ZNF569: variants seen among roughly 807,000 people sequenced by gnomAD.
ZNF569 encodes DNA-binding protein.
Under a neutral mutation model 56.3 loss-of-function variants are expected in ZNF569, and 38 were observed. That is an observed-to-expected ratio of 0.68 (90% confidence interval 0.52 to 0.88). ZNF569 has a LOEUF of 0.88. Among genes scored for constraint, ZNF569 ranks in the 40% least tolerant of loss-of-function variants. ZNF569 has a pLI of 0.00. For synonymous variants in ZNF569, 241 were observed against 262.9 expected, an observed-to-expected ratio of 0.92 and a Z score of 0.81; for missense variants, 666 against 809.2, an observed-to-expected ratio of 0.82 and a Z score of 2.15.
chr19:37,431,504 A>C (rs866886145), intron 3 of ZNF569: 17 of 152,268 alleles, frequency 1.1e-4, no homozygotes, highest in African/African-American at 3.9e-4. Context: ...TCACCTACTG[A>C]CTAAAGAGCC....
chr19:37,440,946 T>C (rs758858426), intron 3 of ZNF569, among the ~76,000 whole-genome samples: 20 of 152,128 alleles, frequency 1.3e-4, no homozygotes, highest in Non-Finnish European at 2.4e-4. Flanking sequence ...CAAGAATATC[T>C]TGAGACCTTC....
intron 5 of ZNF569, among the ~76,000 whole-genome samples, chr19:37,420,527 A>G (rs972723437): frequency 2.0e-5 from 3 of 152,190 alleles, no homozygotes; most frequent in African/African-American, 4.8e-5. Context: ...TAAAGAAATG[A>G]CTTTCTTTGT....
At chr19:37,421,851 T>C (rs1252119994) in intron 5 of ZNF569, among the ~76,000 whole-genome samples, 1 of 142,296 alleles carries the variant, frequency 7.0e-6, no homozygotes, top group Non-Finnish European at 1.5e-5. Flanking sequence ...TTAGACTCAA[T>C]CAATCCTCTC....
upstream of ZNF569, chr19:37,467,607 G>A: frequency 1.8e-6 from 1 of 543,284 alleles, no homozygotes; most frequent in Non-Finnish European, 3.3e-6. Context: ...CTCTACCTGA[G>A]GCTAGAATAC....
chr19:37,421,878 C>G (rs769124595), intron 5 of ZNF569, among the ~76,000 whole-genome samples: 6 of 151,088 alleles, frequency 4.0e-5, no homozygotes, highest in Non-Finnish European at 8.8e-5. Flanking sequence ...GCCTCCCAAG[C>G]AGCTGGGACT....
intron 5 of ZNF569, among the ~76,000 whole-genome samples, chr19:37,421,762 T>TG (rs1270670827): frequency 2.4e-4 from 35 of 147,836 alleles, no homozygotes; most frequent in African/African-American, 8.5e-4. Context: ...TTTTTTTTTT[T>TG]TTTTTGAGAC....
intron 5 of ZNF569, among the ~76,000 whole-genome samples, chr19:37,424,730 C>T (rs969991006): frequency 3.3e-4 from 48 of 144,136 alleles, no homozygotes; most frequent in Non-Finnish European, 6.1e-4. Context: ...GCATGAGAAT[C>T]GTTTGAACCC....
At chr19:37,447,777 A>T (rs930178851) in intron 2 of ZNF569, among the ~76,000 whole-genome samples, 1 of 152,134 alleles carries the variant, frequency 6.6e-6, no homozygotes, top group African/African-American at 2.4e-5. Context: ...TTCAATTCCT[A>T]GTTTGCTGAG....
intron 3 of ZNF569, among the ~76,000 whole-genome samples, chr19:37,434,666 G>A (rs2041280647): frequency 6.6e-6 from 1 of 152,220 alleles, no homozygotes; most frequent in East Asian, 1.9e-4. Flanking sequence ...AGCAATTGAA[G>A]ATCCACAAAA....
chr19:37,423,940 A>C (rs904153695), intron 5 of ZNF569, among the ~76,000 whole-genome samples: 1 of 152,046 alleles, frequency 6.6e-6, no homozygotes, highest in Non-Finnish European at 1.5e-5. Context: ...TTGGAGGGCA[A>C]AAATGACTTT....
chr19:37,414,635 A>C (rs912732824), intron 5 of ZNF569, among the ~76,000 whole-genome samples: 1 of 152,280 alleles, frequency 6.6e-6, no homozygotes, highest in East Asian at 1.9e-4. Flanking sequence ...ATATTTATAA[A>C]TACAAATAGC....
At position 37,465,323 on chromosome 19, in the gene ZNF569, A is replaced by G. The variant is rs949149082; in HGVS notation, c.-54T>C. 6.6e-6 allele frequency: 1 copy of G among 152,190 alleles called. No individual in the cohort carries two copies. Among genetic ancestry groups the G allele is most frequent in the Non-Finnish European group, 1.5e-5 (1 of 68,044 alleles). 9.4% of individuals were successfully genotyped at this position (152,190 alleles called of 1,614,324 possible). A position where few individuals can be genotyped will look rare whatever the true frequency, so the allele number is the denominator to read the frequency against. ...ACTTAATTTACTTACCTTGTTTATT[A>G]TCCAGCCCACAAAAATGTAAGTACC... is the stretch of plus-strand genomic sequence containing the variant. On this transcript the variant is annotated 5_prime_UTR_variant, in exon 2 of 6. It removes the in-frame stop codon of an upstream open reading frame in the 5' UTR. Coordinates refer to ENST00000316950, the MANE Select transcript of ZNF569 (RefSeq NM_152484.3).
At chr19:37,468,795 C>G (rs901263826), upstream of ZNF569, among the ~76,000 whole-genome samples, 3 of 152,204 alleles carry the variant, frequency 2.0e-5, no homozygotes, top group African/African-American at 7.2e-5. Context: ...CGTGAGCCAC[C>G]GTGCCAGGCT....
intron 1 of ZNF569, among the ~76,000 whole-genome samples, chr19:37,466,068 A>AT (rs1190300040): frequency 6.6e-6 from 1 of 152,240 alleles, no homozygotes; most frequent in Non-Finnish European, 1.5e-5. Flanking sequence ...GAACATATGA[A>AT]TGTATACGTA....
chr19:37,457,256 C>G (rs1157229717), intron 2 of ZNF569, among the ~76,000 whole-genome samples: 1 of 152,126 alleles, frequency 6.6e-6, no homozygotes, highest in African/African-American at 2.4e-5. Context: ...CTAGTTGTCG[C>G]AACAATATCC....
At chr19:37,460,288 A>T (rs1286921880) in intron 2 of ZNF569, among the ~76,000 whole-genome samples, 1 of 152,102 alleles carries the variant, frequency 6.6e-6, no homozygotes, top group Non-Finnish European at 1.5e-5. Flanking sequence ...GATTACAGGC[A>T]TGCACCACTA....
intron 5 of ZNF569, among the ~76,000 whole-genome samples, chr19:37,416,222 CTG>C (rs2040928558): frequency 2.0e-5 from 3 of 149,772 alleles, no homozygotes; most frequent in South Asian, 4.2e-4. Context: ...AAGATTAAGA[CTG>C]TGTGTCAAAA....
chr19:37,438,276 C>T (rs2041346080), intron 3 of ZNF569, among the ~76,000 whole-genome samples: 1 of 152,078 alleles, frequency 6.6e-6, no homozygotes, highest in South Asian at 2.1e-4. Flanking sequence ...ACCTGTGGTA[C>T]TTGGGAAGCT....
chr19:37,441,248 A>T (rs2041400141), intron 3 of ZNF569, among the ~76,000 whole-genome samples: 1 of 152,178 alleles, frequency 6.6e-6, no homozygotes, highest in African/African-American at 2.4e-5. Context: ...AATGCAAGAG[A>T]AGCAGTGAGT....
Sources: allele counts gnomAD v4.1 joint callset (sites outside exome capture counted in the v4.1 genomes callset), GRCh38; gene constraint gnomAD v4.1.1; transcripts MANE v1.5; gene names NCBI Gene and HGNC (gene_info 2026-07-23, HGNC 2026-07-21).